The following DNAJC16 variants were observed in gnomAD, a reference collection of about 807,000 sequenced individuals.
DNAJC16 encodes the protein dnaJ homolog subfamily C member 16.
A neutral mutation model predicts 92.7 loss-of-function variants in DNAJC16; 76 were observed. That is an observed-to-expected ratio of 0.82 (90% CI 0.68 to 0.99). The LOEUF is 0.99. Ranked by LOEUF, DNAJC16 falls within the 50% of genes least tolerant of loss-of-function variation. The pLI, the probability that DNAJC16 is intolerant of heterozygous loss-of-function variation, is 0.00. For missense variants in DNAJC16, 869 were observed against 942.4 expected (o/e 0.92, Z 1.02); for synonymous variants, 328 against 358.7 (o/e 0.91, Z 0.97).
chr1:15,527,286 A>G (rs965079180), intron 1 of DNAJC16, among the ~76,000 whole-genome samples: 2 of 152,102 alleles, frequency 1.3e-5, no homozygotes, highest in African/African-American at 2.4e-5. Flanking sequence ...GGCGCCGTCT[A>G]TCTCGCATGT....
chr1:15,528,519 A>G (rs1251616476), intron 1 of DNAJC16, among the ~76,000 whole-genome samples: 1 of 152,210 alleles, frequency 6.6e-6, no homozygotes, highest in Non-Finnish European at 1.5e-5. Flanking sequence ...GTGAGAAAGA[A>G]TAGAATTGAG....
chr1:15,527,369 C>T (rs1557564750), intron 1 of DNAJC16, among the ~76,000 whole-genome samples: 1 of 152,194 alleles, frequency 6.6e-6, no homozygotes, highest in African/African-American at 2.4e-5. Flanking sequence ...TTAAATAAGG[C>T]AGCGATCGTA....
rs1295362222 is a variant in DNAJC16 at position 15,536,069 on chromosome 1, TTTC to T, written c.235-403_235-401del. Among the ~76,000 whole-genome samples, 678 of 78,360 alleles carry T rather than the reference TTTC, an allele frequency of 8.7e-3. 4 individuals are homozygous for T. Among genetic ancestry groups the T allele is most frequent in the African/African-American group, 0.048 (583 of 12,036 alleles). 51.4% of individuals were successfully genotyped at this position (78,360 alleles called of 152,430 possible). Reference sequence around the variant, plus strand: ...TTACATTTCTTTTCTTTTCTTTTCTTTTCTTTTTTTTTTTTTTTTTTGAGACGG... The same window carrying T: ...TTACATTTCTTTTCTTTTCTTTTCTTTTTTTTTTTTTTTTTTTTGAGACGG... On this transcript the variant is annotated intron_variant, in intron 3 of 14. Transcript: ENST00000375847.
intron 7 of DNAJC16, among the ~76,000 whole-genome samples, chr1:15,549,966 G>GTGTATAGGAAAAAAACATAGTT (rs1638405779): frequency 2.0e-5 from 3 of 152,116 alleles, no homozygotes; most frequent in Admixed American, 1.3e-4. Context: ...TCATAGGTAT[G>GTGTATAGGAAAAAAACATAGTT]TGTATAGGAA....
chr1:15,563,823 C>G, intron 9 of DNAJC16, 106 bp from the exon 10 acceptor site: 6 of 1,195,882 alleles, frequency 5.0e-6, no homozygotes, highest in Non-Finnish European at 5.8e-6. Context: ...GCACTCCAGC[C>G]TGGGCGACAA....
intron 3 of DNAJC16, 62 bp downstream of exon 3, chr1:15,534,365 T>C (rs1272399445): frequency 1.3e-6 from 2 of 1,556,348 alleles, no homozygotes; most frequent in Non-Finnish European, 1.8e-6. Flanking sequence ...TAGGAGGTGA[T>C]GAGTTTTGTA....
In DNAJC16 at chr1:15,536,809, A is replaced by G. The variant is rs1167228710; in HGVS notation, c.569A>G (p.Glu190Gly). The change falls in exon 4 of 15, where the codon GAA becomes GGA. Residue 190 changes from glutamate (E) to glycine (G), a missense_variant. Coordinates refer to ENST00000375847, the MANE Select transcript of DNAJC16 (RefSeq NM_015291.4). ...AAAGAAGTCATTCAAGAACTGGAAGAATTGGGTAAGATAATTTTATTCACT... is the reference window on the plus strand; with the variant it reads ...AAAGAAGTCATTCAAGAACTGGAAGGATTGGGTAAGATAATTTTATTCACT... Reference protein sequence around the residue: ...VWKEVIQELEELGVGIGVVHA... With the variant: ...VWKEVIQELEGLGVGIGVVHA... 6.3e-7 allele frequency: 1 copy of G among 1,592,450 alleles called. No homozygotes were observed. The highest frequency in any genetic ancestry group is 8.5e-7 in the Non-Finnish European group (1 of 1,172,828).
intron 7 of DNAJC16, among the ~76,000 whole-genome samples, chr1:15,549,721 G>A (rs1256220619): frequency 2.0e-5 from 3 of 151,658 alleles, no homozygotes; most frequent in Non-Finnish European, 4.4e-5. Flanking sequence ...GGCTGGGGCA[G>A]GAGAATGGCG....
chr1:15,555,821 G>A (rs1051994813), intron 7 of DNAJC16, among the ~76,000 whole-genome samples: 5 of 151,518 alleles, frequency 3.3e-5, no homozygotes, highest in East Asian at 1.9e-4. Flanking sequence ...GAGAAACCCC[G>A]TCTCTACTAA....
intron 7 of DNAJC16, among the ~76,000 whole-genome samples, chr1:15,557,147 T>C (rs558031318): frequency 1.2e-4 from 18 of 152,358 alleles, no homozygotes; most frequent in African/African-American, 4.1e-4. Context: ...CTTCTAACTT[T>C]TCCTTATCGT....
At chr1:15,556,662 CTTTT>C (rs894657693) in intron 7 of DNAJC16, among the ~76,000 whole-genome samples, 2 of 83,342 alleles carry the variant, frequency 2.4e-5, no homozygotes, top group African/African-American at 6.8e-5. Flanking sequence ...AATTTTACTT[CTTTT>C]TTTTTCCAGC....
chr1:15,539,243 ATT>A (rs59004062), intron 4 of DNAJC16, among the ~76,000 whole-genome samples: 62 of 148,310 alleles, frequency 4.2e-4, no homozygotes, highest in African/African-American at 1.5e-3. Flanking sequence ...TTTTTATTTT[ATT>A]TTTTTTTTTT....
chr1:15,529,360 CTCTGTT>C, intron 2 of DNAJC16, 88 bp downstream of exon 2: 1 of 1,330,364 alleles, frequency 7.5e-7, no homozygotes, highest in Non-Finnish European at 1.0e-6. Flanking sequence ...TTTTATTTGT[CTCTGTT>C]TCTATGTTCA....
At position 15,564,129 on chromosome 1, in the gene DNAJC16, G is replaced by A. The variant is rs1638756651; in HGVS notation, c.1521+18G>A. ...TTGCCCCTGTGAGCATCGGGGCTGG[G>A]AAGGGTGGGACACCAGGAGGGCTTG... On this transcript the variant is annotated intron_variant, in intron 10 of 14. Coordinates refer to ENST00000375847, the MANE Select transcript of DNAJC16 (RefSeq NM_015291.4). 1 of 1,610,488 alleles carries A rather than the reference G, an allele frequency of 6.2e-7. No homozygotes were observed. The highest frequency in any genetic ancestry group is 1.3e-5 in the African/African-American group (1 of 74,870).
intron 4 of DNAJC16, 105 bp from the exon 5 acceptor site, chr1:15,544,294 C>A: frequency 8.8e-7 from 1 of 1,134,840 alleles, no homozygotes; most frequent in Non-Finnish European, 1.2e-6. Flanking sequence ...AAGACATCTC[C>A]TATGAGGTCG....
At chr1:15,534,173 G>A in intron 2 of DNAJC16, 64 bp from the exon 3 acceptor site, 2 of 1,555,434 alleles carry the variant, frequency 1.3e-6, no homozygotes, top group Admixed American at 1.7e-5. Flanking sequence ...TGTGGACAAG[G>A]ACATTAAATG....
chr1:15,542,642 C>G (rs1240660433), intron 4 of DNAJC16, among the ~76,000 whole-genome samples: 5 of 152,340 alleles, frequency 3.3e-5, no homozygotes, highest in African/African-American at 1.2e-4. Context: ...CCTGGGACTT[C>G]TGGCGTCTGA....
chr1:15,556,327 C>T (rs1375185969), intron 7 of DNAJC16, among the ~76,000 whole-genome samples: 10 of 151,926 alleles, frequency 6.6e-5, no homozygotes, highest in African/African-American at 1.9e-4. Flanking sequence ...CTCCAACTCC[C>T]GGGTTCAAGT....
chr1:15,541,030 G>A (rs1710919999), intron 4 of DNAJC16, among the ~76,000 whole-genome samples: 1 of 152,130 alleles, frequency 6.6e-6, no homozygotes. Flanking sequence ...AAACCATGAT[G>A]CCTCACCCTC....
Sources: allele counts gnomAD v4.1 joint callset (sites outside exome capture counted in the v4.1 genomes callset), GRCh38; gene constraint gnomAD v4.1.1; transcripts MANE v1.5; gene names NCBI Gene and HGNC (gene_info 2026-07-23, HGNC 2026-07-21).